The following OTUD5 variants were observed in gnomAD, a reference collection of about 807,000 sequenced individuals.
OTUD5 encodes the protein OTU domain-containing protein 5.
A neutral mutation model predicts 36.3 loss-of-function variants in OTUD5; 2 were observed. The observed-to-expected ratio is 0.06, with a 90% CI of 0.02 to 0.17. The LOEUF is 0.17. Among genes scored for constraint, OTUD5 ranks in the 10% least tolerant of loss-of-function variants. The pLI, the probability that OTUD5 is intolerant of heterozygous loss-of-function variation, is 1.00. For missense variants in OTUD5, 233 were observed against 512.3 expected, an observed-to-expected ratio of 0.45 and a Z score of 5.26; for synonymous variants, 234 against 214.9, an observed-to-expected ratio of 1.09 and a Z score of -0.78.
chrX:48,945,447 T>C (rs781833826), intron 1 of OTUD5, among the ~76,000 whole-genome samples: 2 of 108,991 alleles, frequency 1.8e-5, no homozygotes, highest in South Asian at 8.0e-4. Context: ...ATTTTTTGTA[T>C]TTTTAGTAGA....
chrX:48,950,530 T>A (rs1234242718), intron 1 of OTUD5, among the ~76,000 whole-genome samples: 1 of 103,508 alleles, frequency 9.7e-6, no homozygotes, highest in African/African-American at 3.5e-5. Context: ...AATAAACTTC[T>A]CTCTCTCTTT....
chrX:48,952,647 G>A (rs1474877657), intron 1 of OTUD5, among the ~76,000 whole-genome samples: 5 of 111,961 alleles, frequency 4.5e-5, no homozygotes, highest in African/African-American at 1.6e-4. Context: ...ACTTGCTTCA[G>A]AGCAATGAGT....
Position 48,957,587 on chromosome X carries a change from AC to A in OTUD5, c.-18del, listed in dbSNP as rs1269683071. 8.6e-6 allele frequency: 7 copies of A among 817,039 alleles called. No homozygotes were observed. The highest frequency in any genetic ancestry group is 8.0e-5 in the East Asian group (1 of 12,460). 67.3% of individuals were successfully genotyped at this position (817,039 alleles called of 1,213,427 possible). ...TATAGTCATGGCTGCACTGCCGAGT[AC>A]CCCCCAACAAACCCGGCGCGGGGCA... On this transcript the variant is annotated 5_prime_UTR_variant, in exon 1 of 9. Coordinates refer to ENST00000376488, the MANE Select transcript of OTUD5 (RefSeq NM_001136157.2).
chrX:48,924,613 A>G (rs1186921530), intron 6 of OTUD5, among the ~76,000 whole-genome samples: 1 of 111,902 alleles, frequency 8.9e-6, no homozygotes, highest in Admixed American at 9.5e-5. Flanking sequence ...CTGTTCGGAT[A>G]CACCGGCCTC....
In OTUD5 at chrX:48,934,627, A is replaced by G; in HGVS notation, c.911-15T>C. On this transcript the variant is annotated splice_polypyrimidine_tract_variant and intron_variant, in intron 4 of 8. Coordinates refer to ENST00000376488, the MANE Select transcript of OTUD5 (RefSeq NM_001136157.2). ...GTTGATGGGTTCTGCAGAGAAAGAG[A>G]AGGAGGGAGCATCCACAGCAGGCCA... 1 of 1,210,234 alleles carries G rather than the reference A, an allele frequency of 8.3e-7. No individual in the cohort carries two copies. The highest frequency in any genetic ancestry group is 1.1e-6 in the Non-Finnish European group (1 of 894,596).
intron 1 of OTUD5, among the ~76,000 whole-genome samples, chrX:48,947,672 C>T (rs1382622145): frequency 1.9e-5 from 2 of 105,277 alleles, no homozygotes; most frequent in African/African-American, 7.0e-5. Context: ...CATTGCACTC[C>T]AGCCTGGGCA....
chrX:48,944,014 CACT>C (rs1334334925), intron 2 of OTUD5, among the ~76,000 whole-genome samples, 173 bp downstream of exon 2: 3 of 111,555 alleles, frequency 2.7e-5, no homozygotes, highest in East Asian at 5.6e-4. Flanking sequence ...AATCTTGCAC[CACT>C]ACAATGTCTC....
intron 1 of OTUD5, among the ~76,000 whole-genome samples, chrX:48,951,556 AGTGAGCC>A (rs1557053931): frequency 9.0e-6 from 1 of 110,945 alleles, no homozygotes; most frequent in Non-Finnish European, 1.9e-5. Flanking sequence ...TGGAGGTTGC[AGTGAGCC>A]AAGATCGCGC....
chrX:48,946,126 G>T (rs1199695772), intron 1 of OTUD5, among the ~76,000 whole-genome samples: 1 of 111,734 alleles, frequency 8.9e-6, no homozygotes, highest in Non-Finnish European at 1.9e-5. Flanking sequence ...AGCAAGGGGT[G>T]GAACCCATCC....
chrX:48,924,749 C>T (rs782665156), intron 6 of OTUD5, among the ~76,000 whole-genome samples: 21 of 112,403 alleles, frequency 1.9e-4, no homozygotes, highest in African/African-American at 6.8e-4. Context: ...ACCCTGACTG[C>T]GCTATTTCAT....
At chrX:48,955,740 CCT>C (rs1362754846) in intron 1 of OTUD5, among the ~76,000 whole-genome samples, 8 of 111,341 alleles carry the variant, frequency 7.2e-5, no homozygotes, top group South Asian at 7.5e-4. Context: ...GCCTCAAACC[CCT>C]GTTACAGAGG....
At chrX:48,955,691 G>A (rs782650824) in intron 1 of OTUD5, among the ~76,000 whole-genome samples, 1 of 111,389 alleles carries the variant, frequency 9.0e-6, no homozygotes, top group African/African-American at 3.3e-5. Context: ...GGCATGGGTC[G>A]TATGTCCCTG....
chrX:48,954,491 G>C (rs1303334635), intron 1 of OTUD5, among the ~76,000 whole-genome samples: 2 of 111,226 alleles, frequency 1.8e-5, no homozygotes, highest in African/African-American at 6.6e-5. Flanking sequence ...TTCTAGAGGA[G>C]GAAAGAAACT....
At chrX:48,956,898 A>G (rs2064254021) in intron 1 of OTUD5, 79 bp downstream of exon 1, 2 of 1,005,292 alleles carry the variant, frequency 2.0e-6, no homozygotes, top group Non-Finnish European at 2.6e-6. Context: ...GGCGATCTCA[A>G]ACAGCCTTCC....
chrX:48,938,894 T>C (rs1242060362), intron 2 of OTUD5, among the ~76,000 whole-genome samples: 4 of 110,138 alleles, frequency 3.6e-5, no homozygotes, highest in Non-Finnish European at 7.6e-5. Flanking sequence ...CTGAAACTCC[T>C]CCTCTTGCTG....
At chrX:48,947,117 G>A (rs1317268925) in intron 1 of OTUD5, among the ~76,000 whole-genome samples, 1 of 112,397 alleles carries the variant, frequency 8.9e-6, no homozygotes, top group East Asian at 2.8e-4. Flanking sequence ...AGTGGCTCTC[G>A]CCTGTAATCC....
At chrX:48,957,728 AGGC>A (rs1156647335), upstream of OTUD5, 186 of 663,522 alleles carry the variant, frequency 2.8e-4, no homozygotes, top group African/African-American at 4.5e-3. Context: ...GCGGCGGAGG[AGGC>A]GGCGGCGGCG....
chrX:48,930,060 C>T (rs782108192), intron 5 of OTUD5, among the ~76,000 whole-genome samples: 4 of 110,498 alleles, frequency 3.6e-5, no homozygotes, highest in Admixed American at 9.6e-5. Context: ...GCCGAGATCA[C>T]GCCACTGCAC....
intron 1 of OTUD5, among the ~76,000 whole-genome samples, chrX:48,944,937 G>A (rs1272235843): frequency 1.8e-5 from 2 of 109,818 alleles, no homozygotes; most frequent in African/African-American, 3.3e-5. Context: ...CAGGAGAATC[G>A]TTCGAACCCA....
Sources: allele counts gnomAD v4.1 joint callset (sites outside exome capture counted in the v4.1 genomes callset), GRCh38; gene constraint gnomAD v4.1.1; transcripts MANE v1.5; gene names NCBI Gene and HGNC (gene_info 2026-07-23, HGNC 2026-07-21).